KIF1C: variants seen among roughly 807,000 people sequenced by gnomAD.
The protein encoded by KIF1C is kinesin-like protein KIF1C.
A neutral mutation model predicts 126.5 loss-of-function variants in KIF1C; 61 were observed. That is an observed-to-expected ratio of 0.48 (90% CI 0.39 to 0.60). The LOEUF (loss-of-function observed/expected upper bound fraction) is 0.60, where lower values mean the gene tolerates loss of function less well. Ranked by LOEUF, KIF1C falls within the 20% of genes least tolerant of loss-of-function variation. KIF1C has a pLI of 0.00. For synonymous variants in KIF1C, 640 were observed against 580.6 expected, an observed-to-expected ratio of 1.10 and a Z score of -1.47; for missense variants, 1,315 against 1,489.2, an observed-to-expected ratio of 0.88 and a Z score of 1.93.
In KIF1C at chr17:5,002,535, G is replaced by C. The variant is rs954822956; in HGVS notation, c.501G>C (p.Arg167=). The C allele has an allele frequency of 6.2e-7, 1 of 1,613,980 alleles. No homozygotes were observed. The highest frequency in any genetic ancestry group is 8.5e-7 in the Non-Finnish European group (1 of 1,179,904). Residue 167 remains arginine (R), a synonymous_variant, in exon 7 of 23, where the codon CGG becomes CGC. Coordinates refer to ENST00000320785, the MANE Select transcript of KIF1C (RefSeq NM_006612.6). The part of the protein sequence containing the change: ...LLNPKSRGSL[R]VREHPILGPY... Reference sequence around the variant, plus strand: ...ACCCCAAGAGTCGGGGTTCTCTGCGGGTCCGGGAGCACCCCATCCTGGGCC... The same window carrying C: ...ACCCCAAGAGTCGGGGTTCTCTGCGCGTCCGGGAGCACCCCATCCTGGGCC...
intron 1 of KIF1C, among the ~76,000 whole-genome samples, chr17:4,999,331 G>A (rs550760994): frequency 1.3e-5 from 2 of 152,320 alleles, no homozygotes; most frequent in South Asian, 4.1e-4. Flanking sequence ...TTTGAGGACA[G>A]GTTTTGCATT....
chr17:5,020,577 C>G lies in KIF1C; in HGVS notation c.1836C>G (p.Pro612=), dbSNP rs1242585400. Residue 612 remains proline (P), a synonymous_variant, in exon 20 of 23, where the codon CCC becomes CCG. Coordinates refer to ENST00000320785, the MANE Select transcript of KIF1C (RefSeq NM_006612.6). This position sits in a 1 kb window ranked among gnomAD's most constrained non-coding sequence, Gnocchi z 5.8. ...GGCTGGAACGGGAACGAGGGGTCCC[C>G]CCACCCCCAGGACCGCCCTCTGAGC... ...QARLERERGV[P]PPPGPPSEPV... 69 of 1,614,260 alleles carry G rather than the reference C, an allele frequency of 4.3e-5. No homozygotes were observed. Among genetic ancestry groups the G allele is most frequent in the Non-Finnish European group, 5.6e-5 (66 of 1,180,038 alleles).
intron 18 of KIF1C, 90 bp downstream of exon 18, chr17:5,014,927 C>T (rs762944053): frequency 5.1e-5 from 53 of 1,045,882 alleles, no homozygotes; most frequent in South Asian, 9.9e-5. Context: ...GGGTTGGGCA[C>T]CAGGGAGTGC....
Position 5,027,599 on chromosome 17 carries a change from A to C in KIF1C, c.*3448A>C, listed in dbSNP as rs1975230295. On this transcript the variant is annotated 3_prime_UTR_variant, in exon 23 of 23. Coordinates refer to ENST00000320785, the MANE Select transcript of KIF1C (RefSeq NM_006612.6). ...TTGGTTTAGATTAATGAGTTGCCCA[A>C]ATTCAGACAGTTCTTAAGTGGCAAA... 6.6e-6 allele frequency: 1 copy of C among 152,144 alleles called. No homozygotes were observed. The highest frequency in any genetic ancestry group is 1.9e-4 in the East Asian group (1 of 5,186). 9.4% of individuals were successfully genotyped at this position (152,144 alleles called of 1,614,324 possible).
At chr17:5,019,617 G>A (rs1018915644) in intron 18 of KIF1C, 1 of 236,074 alleles carries the variant, frequency 4.2e-6, no homozygotes, top group Non-Finnish European at 9.1e-6. Flanking sequence ...GGCCCCACCA[G>A]GGATAATGTC....
Position 5,020,951 on chromosome 17 carries a change from C to A in KIF1C, c.2010+73C>A. 7.5e-7 allele frequency: 1 copy of A among 1,335,162 alleles called. No individual in the cohort carries two copies. The highest frequency in any genetic ancestry group is 1.1e-6 in the Non-Finnish European group (1 of 951,576). The allele number at this position is 1,335,162 out of a possible 1,614,324, so 82.7% of individuals were successfully genotyped here. ...CAAGCCTGAGTCCGAGTGCAGTGCT[C>A]ACCGCTGAGCCAGAGTGGGAAATGG... On this transcript the variant is annotated intron_variant, in intron 21 of 22. Transcript: ENST00000320785. The surrounding 1 kb of genome is among the most constrained non-coding windows in gnomAD (Gnocchi z 5.8).
intron 13 of KIF1C, 118 bp from the exon 14 acceptor site, chr17:5,006,797 C>T (rs914573932): frequency 1.9e-6 from 2 of 1,038,418 alleles, no homozygotes; most frequent in African/African-American, 1.6e-5. Flanking sequence ...GGAGGCTGAC[C>T]AGCAGTCTTC....
At chr17:5,010,117 G>A (rs400188) in intron 16 of KIF1C, among the ~76,000 whole-genome samples, 27 of 152,150 alleles carry the variant, frequency 1.8e-4, no homozygotes, top group African/African-American at 6.0e-4. Flanking sequence ...GTAGAGACAG[G>A]GTTTCGCCAT....
chr17:5,002,890 G>GTTGCCAGGGGA, intron 8 of KIF1C, 48 bp downstream of exon 8: 1 of 1,433,270 alleles, frequency 7.0e-7, no homozygotes, highest in Non-Finnish European at 9.6e-7. Flanking sequence ...AACCTCCCCT[G>GTTGCCAGGGGA]GCAACAGGGA....
intron 1 of KIF1C, among the ~76,000 whole-genome samples, chr17:4,999,647 C>T (rs892129469): frequency 1.3e-5 from 2 of 152,114 alleles, no homozygotes; most frequent in South Asian, 2.1e-4. Context: ...TCTATCTGAA[C>T]GTTCAGTACA....
chr17:5,013,062 C>T (rs1974901004), intron 16 of KIF1C, among the ~76,000 whole-genome samples: 2 of 152,242 alleles, frequency 1.3e-5, no homozygotes, highest in South Asian at 4.1e-4. Context: ...GAGTCTGCTT[C>T]GAGAAACATG....
At chr17:5,004,133 C>T (rs1974671228) in intron 11 of KIF1C, 60 bp downstream of exon 11, 2 of 1,192,368 alleles carry the variant, frequency 1.7e-6, no homozygotes, top group Non-Finnish European at 2.5e-6. Flanking sequence ...TCTTTTGATA[C>T]ATCTGACAAA....
At position 5,022,761 on chromosome 17, in the gene KIF1C, G is replaced by A. The variant is rs762549904; in HGVS notation, c.2628+52G>A. ...TCTCCTCCCTCGGCTCTTCACTTTA[G>A]GAGTCTGAACCTTCCATCTCAGAGC... On this transcript the variant is annotated intron_variant, in intron 22 of 22. Coordinates refer to ENST00000320785, the MANE Select transcript of KIF1C (RefSeq NM_006612.6). This position sits in a 1 kb window ranked among gnomAD's most constrained non-coding sequence, Gnocchi z 4.9. 13 of 1,460,408 alleles carry A rather than the reference G, an allele frequency of 8.9e-6. No individual in the cohort carries two copies. The highest frequency in any genetic ancestry group is 1.2e-5 in the Non-Finnish European group (13 of 1,111,238). The allele number at this position is 1,460,408 out of a possible 1,614,324, so 90.5% of individuals were successfully genotyped here. A position where few individuals can be genotyped will look rare whatever the true frequency, so the allele number is the denominator to read the frequency against.
intron 8 of KIF1C, 82 bp from the exon 9 acceptor site, chr17:5,003,530 C>T: frequency 3.1e-6 from 3 of 981,236 alleles, no homozygotes; most frequent in Middle Eastern, 2.3e-4. Context: ...CAGCTGCCCA[C>T]ATTCCTGCTG....
In KIF1C at chr17:5,019,948, C is replaced by T. The variant is rs1292440568; in HGVS notation, c.1667-48C>T. ...GGTGGGAATCTGTGACCATGACCCA[C>T]CTTCCTCCAGGGTCTAATCTTTCCC... On this transcript the variant is annotated intron_variant, in intron 18 of 22. Transcript: ENST00000320785. 2.7e-6 allele frequency: 4 copies of T among 1,479,032 alleles called. No individual in the cohort carries two copies. The African/African-American group carries it at 5.6e-5, about 21-fold the overall frequency. 91.6% of individuals were successfully genotyped at this position (1,479,032 alleles called of 1,614,324 possible).
chr17:5,003,578 C>A (rs201491325), intron 8 of KIF1C, 34 bp from the exon 9 acceptor site: 1 of 1,526,190 alleles, frequency 6.6e-7, no homozygotes, highest in Non-Finnish European at 9.0e-7. Flanking sequence ...CCCCCACCCG[C>A]ACCTTATCTC....
intron 16 of KIF1C, among the ~76,000 whole-genome samples, chr17:5,010,002 G>C (rs1467220793): frequency 6.6e-6 from 1 of 151,942 alleles, no homozygotes. Flanking sequence ...TCTCAGCTCA[G>C]TGCAAACTCT....
chr17:4,999,044 C>T (rs1279656257), intron 1 of KIF1C: 1 of 152,192 alleles, frequency 6.6e-6, no homozygotes, highest in African/African-American at 2.4e-5. Context: ...CCCTCAAACA[C>T]AGGTATTTCT....
chr17:5,015,151 T>A (rs768110664), intron 18 of KIF1C, among the ~76,000 whole-genome samples: 2 of 152,200 alleles, frequency 1.3e-5, no homozygotes, highest in Non-Finnish European at 2.9e-5. Flanking sequence ...CCCTTCTTGA[T>A]CTTGTTCACC....
Sources: allele counts gnomAD v4.1 joint callset (sites outside exome capture counted in the v4.1 genomes callset), GRCh38; gene constraint gnomAD v4.1.1; non-coding constraint Gnocchi (gnomAD v3.1); transcripts MANE v1.5; gene names NCBI Gene and HGNC (gene_info 2026-07-23, HGNC 2026-07-21).